The following CNTNAP2 variants were observed in gnomAD, a reference collection of about 807,000 sequenced individuals.
CNTNAP2 encodes contactin associated protein 2.
In CNTNAP2, 98 loss-of-function variants were observed where a neutral mutation model predicts 155.2. The observed-to-expected ratio is 0.63, with a 90% CI of 0.54 to 0.75. The LOEUF (loss-of-function observed/expected upper bound fraction) is 0.75. CNTNAP2 is among the 30% of genes least tolerant of loss of function. The pLI, the probability that CNTNAP2 is intolerant of heterozygous loss-of-function variation, is 0.00. For synonymous variants in CNTNAP2, 651 were observed against 631.2 expected (o/e 1.03, Z -0.47); for missense variants, 1,727 against 1,688.1 (o/e 1.02, Z -0.40).
chr7:147,221,264 C>T (rs1803393788), intron 8 of CNTNAP2, among the ~76,000 whole-genome samples: 1 of 152,072 alleles, frequency 6.6e-6, no homozygotes, highest in Admixed American at 6.6e-5. Context: ...ATACATTTTT[C>T]ATGGTATTTT....
At chr7:147,549,555 A>G (rs552848097) in intron 11 of CNTNAP2, among the ~76,000 whole-genome samples, 3 of 152,320 alleles carry the variant, frequency 2.0e-5, no homozygotes, top group Admixed American at 6.5e-5. Context: ...AACAGAGACA[A>G]CTGGACTTCT....
chr7:146,148,051 G>T (rs1005017234), intron 1 of CNTNAP2, among the ~76,000 whole-genome samples: 1 of 152,036 alleles, frequency 6.6e-6, no homozygotes, highest in African/African-American at 2.4e-5. Context: ...GAAATGGCAG[G>T]TTATCTAGTT....
intron 2 of CNTNAP2, among the ~76,000 whole-genome samples, chr7:146,780,628 G>A (rs1802469504): frequency 6.6e-6 from 1 of 151,946 alleles, no homozygotes; most frequent in South Asian, 2.1e-4. Flanking sequence ...AACCCAAATG[G>A]CCACCAATGA....
chr7:146,940,811 G>A (rs1202009644), intron 3 of CNTNAP2, among the ~76,000 whole-genome samples: 1 of 143,922 alleles, frequency 6.9e-6, no homozygotes, highest in African/African-American at 2.5e-5. Flanking sequence ...ATATATATGT[G>A]TGTGTGTGTA....
At chr7:147,764,399 T>C (rs1370354393) in intron 13 of CNTNAP2, among the ~76,000 whole-genome samples, 1 of 152,182 alleles carries the variant, frequency 6.6e-6, no homozygotes, top group Admixed American at 6.5e-5. Context: ...ACACTCCAAA[T>C]ACCTAATTTC....
chr7:146,118,821 G>A (rs562899917), intron 1 of CNTNAP2, among the ~76,000 whole-genome samples: 13 of 152,232 alleles, frequency 8.5e-5, no homozygotes, highest in Admixed American at 5.2e-4. Flanking sequence ...TGGCCATTAA[G>A]ATTTTTTATT....
At chr7:147,370,576 T>A (rs1348278392) in intron 9 of CNTNAP2, among the ~76,000 whole-genome samples, 4 of 152,196 alleles carry the variant, frequency 2.6e-5, no homozygotes, top group African/African-American at 9.6e-5. Context: ...AGGGTTTATT[T>A]TGTTGGAGAA....
At chr7:148,060,010 T>A (rs1803101958) in intron 15 of CNTNAP2, among the ~76,000 whole-genome samples, 1 of 152,084 alleles carries the variant, frequency 6.6e-6, no homozygotes, top group South Asian at 2.1e-4. Context: ...ATGCATTCAT[T>A]ATATTCTTTT....
chr7:147,868,242 C>T (rs1799266958), intron 13 of CNTNAP2, among the ~76,000 whole-genome samples: 1 of 152,174 alleles, frequency 6.6e-6, no homozygotes, highest in Non-Finnish European at 1.5e-5. Context: ...GCTGGTGGTC[C>T]ACTCCAGACC....
rs535259737 is a variant in CNTNAP2 at position 148,343,977 on chromosome 7, G to A, written c.3476-39672G>A. Among the ~76,000 whole-genome samples the A allele has an allele frequency of 9.8e-5, 15 of 152,316 alleles. 1 individual carries two copies. The highest frequency in any genetic ancestry group is 2.6e-4 in the African/African-American group (11 of 41,564). ...GTAGTTTATATGCCAGCAACTGCAT[G>A]TAGCCTGAGGGCTCCCATGACTGGG... On this transcript the variant is annotated intron_variant, in intron 21 of 23. Coordinates refer to ENST00000361727, the MANE Select transcript of CNTNAP2 (RefSeq NM_014141.6).
chr7:146,984,096 G>A (rs1584765579), intron 3 of CNTNAP2, among the ~76,000 whole-genome samples: 1 of 151,928 alleles, frequency 6.6e-6, no homozygotes, highest in East Asian at 1.9e-4. Context: ...GGCCAGGCGC[G>A]GTGGCTCATG....
intron 13 of CNTNAP2, among the ~76,000 whole-genome samples, chr7:147,700,450 T>G (rs1468530826): frequency 6.6e-6 from 1 of 152,200 alleles, no homozygotes; most frequent in Non-Finnish European, 1.5e-5. Context: ...TTTATTCAAC[T>G]AAATTTTATA....
intron 9 of CNTNAP2, among the ~76,000 whole-genome samples, chr7:147,374,265 T>G (rs913530589): frequency 6.6e-5 from 10 of 152,112 alleles, no homozygotes; most frequent in African/African-American, 2.4e-4. Context: ...ATAAAGAAAT[T>G]TGGCCCTTTA....
intron 4 of CNTNAP2, among the ~76,000 whole-genome samples, chr7:147,062,617 A>G (rs1263158838): frequency 2.0e-5 from 3 of 152,186 alleles, no homozygotes; most frequent in African/African-American, 7.2e-5. Context: ...TAGATTTGTC[A>G]TGAAGATTAA....
intron 13 of CNTNAP2, among the ~76,000 whole-genome samples, chr7:147,680,956 C>T (rs948168428): frequency 2.6e-5 from 4 of 151,656 alleles, no homozygotes; most frequent in East Asian, 1.9e-4. Context: ...TTAATATATA[C>T]GTTATATAAC....
chr7:146,541,972 C>A (rs1797959887), intron 1 of CNTNAP2, among the ~76,000 whole-genome samples: 1 of 151,844 alleles, frequency 6.6e-6, no homozygotes, highest in South Asian at 2.1e-4. Flanking sequence ...TTCCAGTCAC[C>A]TCAGGGCAGA....
At chr7:147,282,768 A>G (rs954402208) in intron 8 of CNTNAP2, among the ~76,000 whole-genome samples, 2 of 151,758 alleles carry the variant, frequency 1.3e-5, no homozygotes, top group Non-Finnish European at 2.9e-5. Context: ...ACTATTATTT[A>G]TATGTAGAGA....
In CNTNAP2 at chr7:146,170,625, A is replaced by T. The variant is rs145688008; in HGVS notation, c.97+53652A>T. ...GAAAATATTAAGAAAACTAATTTTT[A>T]AAAAATTGAAGAAGAATATGATTAG... is the stretch of plus-strand genomic sequence containing the variant. On this transcript the variant is annotated intron_variant, in intron 1 of 23. Transcript: ENST00000361727. Among the ~76,000 whole-genome samples the T allele has an allele frequency of 5.8e-3, 882 of 152,282 alleles. 14 individuals carry two copies. Among genetic ancestry groups the T allele is most frequent in the African/African-American group, 0.02 (825 of 41,558 alleles).
intron 8 of CNTNAP2, among the ~76,000 whole-genome samples, chr7:147,225,528 G>C (rs1011124071): frequency 1.3e-5 from 2 of 152,054 alleles, no homozygotes; most frequent in African/African-American, 4.8e-5. Flanking sequence ...TCCCTGGAAT[G>C]ATCCATTTTC....
Sources: gnomAD v4.1 joint callset for allele counts (sites outside exome capture counted in the v4.1 genomes callset) on GRCh38, gnomAD v4.1.1 for gene constraint, MANE v1.5 for transcripts, NCBI Gene and HGNC (gene_info 2026-07-23, HGNC 2026-07-21) for gene names.